ZFHX3: variants seen among roughly 807,000 people sequenced by gnomAD.
ZFHX3 encodes the protein zinc finger homeobox protein 3.
ZFHX3 carries 42 observed loss-of-function variants against 279.1 expected under a neutral mutation model. The observed-to-expected ratio is 0.15, with a 90% CI of 0.12 to 0.19. The LOEUF is 0.19. Among genes scored for constraint, ZFHX3 ranks in the 10% least tolerant of loss-of-function variants. The pLI is 1.00. For synonymous variants in ZFHX3, 2,293 were observed against 1,957.8 expected (o/e 1.17, Z -4.52); for missense variants, 4,981 against 4,754.0 (o/e 1.05, Z -1.40).
At chr16:72,863,945 T>G (rs2037948968) in intron 4 of ZFHX3, among the ~76,000 whole-genome samples, 1 of 152,070 alleles carries the variant, frequency 6.6e-6, no homozygotes, top group East Asian at 1.9e-4. Context: ...TGAAACCCCG[T>G]CTCTACTAAA....
chr16:73,577,827 T>A (rs941471681), intron 2 of ZFHX3, among the ~76,000 whole-genome samples: 7 of 152,234 alleles, frequency 4.6e-5, no homozygotes, highest in African/African-American at 1.7e-4. Flanking sequence ...ATTTAATAAC[T>A]GAGTGAAGAG....
At chr16:73,409,925 C>T (rs1022494697) in intron 3 of ZFHX3, among the ~76,000 whole-genome samples, 14 of 130,582 alleles carry the variant, frequency 1.1e-4, no homozygotes, top group Admixed American at 5.1e-4. Flanking sequence ...ATTGAACTCA[C>T]GGAGATAAAG....
chr16:73,455,730 CTT>C (rs33959280), intron 3 of ZFHX3, among the ~76,000 whole-genome samples: 74,508 of 147,066 alleles, frequency 0.51, 20,820 homozygotes, highest in Non-Finnish European at 0.66. Context: ...TAAAATATTG[CTT>C]TTTTTTTTTT....
In ZFHX3 at chr16:73,020,151, G is replaced by C. The variant is rs184237660; in HGVS notation, c.-50+27601C>G. 4.6e-5 allele frequency among the ~76,000 whole-genome samples: 7 copies of C among 152,318 alleles called. No homozygotes were observed. In the East Asian group the frequency reaches 1.3e-3, roughly 29 times the overall value. ...GGAAAGGCCACTGTCACCAGGACAA[G>C]AGGCACCAGCAAGAGCCCTGCATCA... On this transcript the variant is annotated intron_variant, in intron 1 of 9. Transcript: ENST00000268489.
At chr16:73,409,624 C>T (rs1017242699) in intron 3 of ZFHX3, among the ~76,000 whole-genome samples, 6 of 152,052 alleles carry the variant, frequency 3.9e-5, no homozygotes, top group African/African-American at 1.5e-4. Context: ...GGGTATAATC[C>T]CCAAGAAGGG....
upstream of ZFHX3, among the ~76,000 whole-genome samples, chr16:73,052,622 G>C (rs1190418713): frequency 1.3e-5 from 2 of 152,202 alleles, no homozygotes; most frequent in Admixed American, 6.5e-5. Context: ...CCAATCGCCA[G>C]TGAGGCCTAC....
chr16:72,878,064 C>A (rs1220895591), intron 4 of ZFHX3, among the ~76,000 whole-genome samples: 1 of 151,726 alleles, frequency 6.6e-6, no homozygotes, highest in Admixed American at 6.6e-5. Flanking sequence ...GTGGTGCATG[C>A]CTGTGCTACT....
chr16:73,440,658 C>T (rs1176905607), intron 3 of ZFHX3, among the ~76,000 whole-genome samples: 2 of 152,170 alleles, frequency 1.3e-5, no homozygotes, highest in Non-Finnish European at 2.9e-5. Flanking sequence ...ATCTATGCAG[C>T]TAATTCCAAT....
At chr16:73,075,459 T>C (rs1965877436) in intron 8 of ZFHX3, among the ~76,000 whole-genome samples, 1 of 152,162 alleles carries the variant, frequency 6.6e-6, no homozygotes, top group Non-Finnish European at 1.5e-5. Flanking sequence ...TAGTACCTAA[T>C]ACTTCTCTCT....
At chr16:73,290,355 A>G (rs2014737683) in intron 4 of ZFHX3, among the ~76,000 whole-genome samples, 1 of 152,178 alleles carries the variant, frequency 6.6e-6, no homozygotes, top group Non-Finnish European at 1.5e-5. Flanking sequence ...AAAAAAACAC[A>G]CTAAAGCTGA....
At chr16:73,142,768 T>G (rs1019094426) in intron 6 of ZFHX3, among the ~76,000 whole-genome samples, 8 of 152,252 alleles carry the variant, frequency 5.3e-5, no homozygotes, top group African/African-American at 1.9e-4. Context: ...GGCACAAGAC[T>G]AAGCATTTTA....
In ZFHX3 at chr16:72,787,092, C is replaced by G; in HGVS notation, c.*72G>C. 30 of 987,772 alleles carry G rather than the reference C, an allele frequency of 3.0e-5. No individual in the cohort carries two copies. Among genetic ancestry groups the G allele is most frequent in the East Asian group, 4.6e-5 (1 of 21,658 alleles). 61.2% of individuals were successfully genotyped at this position (987,772 alleles called of 1,614,324 possible). ...TAGAAGCTTTGGAATTGCAGTTAGT[C>G]TATTTTTGAAATTGGTTTGTTATTA... On this transcript the variant is annotated 3_prime_UTR_variant, in exon 10 of 10. Transcript: ENST00000268489.
intron 5 of ZFHX3, among the ~76,000 whole-genome samples, chr16:73,158,452 C>A (rs1967150143): frequency 6.6e-6 from 1 of 152,024 alleles, no homozygotes; most frequent in Non-Finnish European, 1.5e-5. Context: ...CTTCCTTCCC[C>A]CTCCCTTCTC....
At chr16:73,785,960 T>G (rs1365763970) in intron 1 of ZFHX3, among the ~76,000 whole-genome samples, 1 of 152,082 alleles carries the variant, frequency 6.6e-6, no homozygotes, top group East Asian at 1.9e-4. Flanking sequence ...AACCTCCACC[T>G]CCCAGGTTCA....
intron 1 of ZFHX3, among the ~76,000 whole-genome samples, chr16:73,020,269 TC>T (rs544769593): frequency 1.9e-4 from 29 of 152,216 alleles, no homozygotes; most frequent in African/African-American, 7.0e-4. Flanking sequence ...GGCAGAACAC[TC>T]CCTTAGGATC....
intron 1 of ZFHX3, among the ~76,000 whole-genome samples, chr16:73,043,243 T>A (rs1965178867): frequency 6.6e-6 from 1 of 152,052 alleles, no homozygotes; most frequent in African/African-American, 2.4e-5. Context: ...AAGGTACACA[T>A]CAAACCCCCC....
intron 1 of ZFHX3, among the ~76,000 whole-genome samples, chr16:73,712,879 G>T (rs2053378095): frequency 1.3e-5 from 2 of 152,204 alleles, no homozygotes; most frequent in Non-Finnish European, 2.9e-5. Context: ...CCTCATGCTG[G>T]AGAGACTACA....
intron 2 of ZFHX3, among the ~76,000 whole-genome samples, chr16:73,593,713 G>C (rs904599689): frequency 6.6e-6 from 1 of 152,072 alleles, no homozygotes; most frequent in Non-Finnish European, 1.5e-5. Flanking sequence ...TATCTGCAGG[G>C]ATTCTGGAAC....
chr16:73,183,396 A>T (rs1286064147), intron 5 of ZFHX3, among the ~76,000 whole-genome samples: 1 of 152,242 alleles, frequency 6.6e-6, no homozygotes, highest in South Asian at 2.1e-4. Flanking sequence ...TTTAAAAGGC[A>T]GCAGTGGATA....
Sources: allele counts gnomAD v4.1 joint callset (sites outside exome capture counted in the v4.1 genomes callset), GRCh38; gene constraint gnomAD v4.1.1; transcripts MANE v1.5; gene names NCBI Gene and HGNC (gene_info 2026-07-23, HGNC 2026-07-21).